DYNC2H1: variants seen among roughly 807,000 people sequenced by gnomAD.
The protein encoded by DYNC2H1 is cytoplasmic dynein 2 heavy chain 1.
Under a neutral mutation model 570.0 loss-of-function variants are expected in DYNC2H1, and 410 were observed. The observed-to-expected ratio is 0.72, with a 90% CI of 0.66 to 0.78. The LOEUF (loss-of-function observed/expected upper bound fraction) is 0.78. Among genes scored for constraint, DYNC2H1 ranks in the 30% least tolerant of loss-of-function variants. DYNC2H1 has a pLI of 0.00. For synonymous variants in DYNC2H1, 1,688 were observed against 1,677.6 expected (o/e 1.01, Z -0.15); for missense variants, 4,865 against 5,046.4 (o/e 0.96, Z 1.09).
At chr11:103,174,240 G>T in intron 36 of DYNC2H1, 70 bp downstream of exon 36, 2 of 1,329,246 alleles carry the variant, frequency 1.5e-6, no homozygotes, top group South Asian at 1.4e-5. Flanking sequence ...AATAGTTTGA[G>T]ATTTACAGAA....
In DYNC2H1 at chr11:103,455,285, GA is replaced by G. The variant is rs755617845; in HGVS notation, c.12559del (p.Thr4187LeufsTer15). 6.2e-7 allele frequency: 1 copy of G among 1,612,902 alleles called. No homozygotes were observed. The highest frequency in any genetic ancestry group is 1.1e-5 in the South Asian group (1 of 91,036). On this transcript the variant is annotated frameshift_variant, in exon 86 of 89. Transcript: ENST00000375735. LOFTEE classifies it high-confidence loss of function. ...CACATTTCTTAATGCTCTTCGCCAG[GA>G]AACTGCAAGGTAATTAAAATGAAAT... ...PDTFLNALRQETARAVGRSVD... is the reference protein window; with the variant it reads ...PDTFLNALRQXTARAVGRSVD...
At position 103,465,460 on chromosome 11, in the gene DYNC2H1, T is replaced by C. The variant is rs1300894938; in HGVS notation, c.12649-3129T>C. On this transcript the variant is annotated intron_variant, in intron 87 of 88. Coordinates refer to ENST00000375735, the MANE Select transcript of DYNC2H1 (RefSeq NM_001377.3). This position sits in a 1 kb window ranked among gnomAD's most constrained non-coding sequence, Gnocchi z 4.9. Reference sequence around the variant, plus strand: ...CAGTATCCCAAAGTGTGTTTTGTTTTTTTTTTTAATCTGTGGCACATGAGT... The same window carrying C: ...CAGTATCCCAAAGTGTGTTTTGTTTCTTTTTTTAATCTGTGGCACATGAGT... Among the ~76,000 whole-genome samples the C allele has an allele frequency of 6.6e-6, 1 of 152,076 alleles. No homozygotes were observed. The highest frequency in any genetic ancestry group is 1.5e-5 in the Non-Finnish European group (1 of 67,986).
Position 103,264,644 on chromosome 11 carries a change from C to A in DYNC2H1, c.10695+4667C>A, listed in dbSNP as rs1591493955. 6.6e-6 allele frequency among the ~76,000 whole-genome samples: 1 copy of A among 152,314 alleles called. No homozygotes were observed. Among genetic ancestry groups the A allele is most frequent in the African/African-American group, 2.4e-5 (1 of 41,576 alleles). ...AAGGCCTCCAATAAAATTCAACACA[C>A]CTTCATGCTGAAAACTTCATAAACT... On this transcript the variant is annotated intron_variant, in intron 70 of 88. Transcript: ENST00000375735. The surrounding 1 kb of genome is among the most constrained non-coding windows in gnomAD (Gnocchi z 4.8).
rs781077729 is a variant in DYNC2H1 at position 103,125,211 on chromosome 11, A to G, written c.1773A>G (p.Ala591=). ...ILLREVRQLS[A]LGFVIPAKIQ... is the part of the protein sequence containing the mutation. ...TGAGAGAAGTTCGTCAGCTCTCTGC[A>G]CTTGGCTTTGTTATTCCTGCCAAAA... The change falls in exon 12 of 89, where the codon GCA becomes GCG. Residue 591 remains alanine, a synonymous_variant. Transcript: ENST00000375735. 7.4e-6 allele frequency: 12 copies of G among 1,613,582 alleles called. No individual in the cohort carries two copies. The East Asian group carries it at 1.6e-4, about 21-fold the overall frequency.
intron 75 of DYNC2H1, among the ~76,000 whole-genome samples, chr11:103,301,295 A>G (rs1038910727): frequency 6.6e-6 from 1 of 151,944 alleles, no homozygotes; most frequent in Non-Finnish European, 1.5e-5. Context: ...GCCCTTGTAC[A>G]TGCTTCTGCG....
chr11:103,249,260 T>C lies in DYNC2H1; in HGVS notation c.10042+3886T>C, dbSNP rs1458815077. Among the ~76,000 whole-genome samples, 1 of 152,058 alleles carries C rather than the reference T, an allele frequency of 6.6e-6. No homozygotes were observed. Among genetic ancestry groups the C allele is most frequent in the Non-Finnish European group, 1.5e-5 (1 of 67,942 alleles). The stretch of plus-strand genomic sequence containing the variant: ...ATGTTTTATCAAAGTAGTACATGCA[T>C]GGGTTGTAAAGTCAAATGATACAGA... On this transcript the variant is annotated intron_variant, in intron 65 of 88. Transcript: ENST00000375735. The surrounding 1 kb of genome is among the most constrained non-coding windows in gnomAD (Gnocchi z 4.6).
At chr11:103,362,972 A>C (rs1283361857) in intron 83 of DYNC2H1, among the ~76,000 whole-genome samples, 1 of 152,166 alleles carries the variant, frequency 6.6e-6, no homozygotes, top group Non-Finnish European at 1.5e-5. Flanking sequence ...CAGAGGTTGC[A>C]GTGAGCCAAG....
rs1342711489 is a variant in DYNC2H1 at position 103,129,266 on chromosome 11, A to G, written c.1953+261A>G. On this transcript the variant is annotated intron_variant, in intron 13 of 88. Coordinates refer to ENST00000375735, the MANE Select transcript of DYNC2H1 (RefSeq NM_001377.3). This position sits in a 1 kb window ranked among gnomAD's most constrained non-coding sequence, Gnocchi z 4.1. ...AAATGATTTGTATGATGTTATGTTC[A>G]TTTATCCTCTGAAGTTTGAGGTCCT... is the stretch of plus-strand genomic sequence containing the variant. Among the ~76,000 whole-genome samples, 1 of 152,192 alleles carries G rather than the reference A, an allele frequency of 6.6e-6. No homozygotes were observed. Among genetic ancestry groups the G allele is most frequent in the East Asian group, 1.9e-4 (1 of 5,202 alleles).
chr11:103,186,286 T>C lies in DYNC2H1; in HGVS notation c.6678T>C (p.Pro2226=), dbSNP rs1481342640. 3 of 1,612,172 alleles carry C rather than the reference T, an allele frequency of 1.9e-6. No individual in the cohort carries two copies. Among genetic ancestry groups the C allele is most frequent in the Non-Finnish European group, 2.5e-6 (3 of 1,178,970 alleles). ...ARESPPDFHK[P]MDTYYDSTRG... ...AATCTCCTCCAGACTTTCACAAACC[T>C]ATGGATACCTACTATGACTCTACTA... Residue 2226 remains proline, a synonymous_variant, in exon 42 of 89, where the codon CCT becomes CCC. Transcript: ENST00000375735. This position sits in a 1 kb window ranked among gnomAD's most constrained non-coding sequence, Gnocchi z 4.5.
intron 40 of DYNC2H1, 65 bp from the exon 41 acceptor site, chr11:103,184,831 T>A (rs999455234): frequency 4.7e-5 from 74 of 1,560,694 alleles, no homozygotes; most frequent in Non-Finnish European, 6.4e-5. Context: ...TCAGTCTGTA[T>A]GGTTCTATGT....
chr11:103,300,627 C>T (rs538018696), intron 75 of DYNC2H1, among the ~76,000 whole-genome samples: 2 of 151,750 alleles, frequency 1.3e-5, no homozygotes, highest in Non-Finnish European at 2.9e-5. Flanking sequence ...TTTTTTTCTC[C>T]AACTCAAAAT....
At position 103,319,775 on chromosome 11, in the gene DYNC2H1, C is replaced by G. The variant is rs1438094214; in HGVS notation, c.11726-1254C>G. Among the ~76,000 whole-genome samples the G allele has an allele frequency of 6.6e-6, 1 of 152,120 alleles. No individual in the cohort carries two copies. The highest frequency in any genetic ancestry group is 1.9e-4 in the East Asian group (1 of 5,190). ...CTAATATGTCTGTATTCCTTAATGA[C>G]TTATCAATGACTGGCTAACTTATCA... is the stretch of plus-strand genomic sequence containing the variant. On this transcript the variant is annotated intron_variant, in intron 80 of 88. Coordinates refer to ENST00000375735, the MANE Select transcript of DYNC2H1 (RefSeq NM_001377.3). The surrounding 1 kb of genome is among the most constrained non-coding windows in gnomAD (Gnocchi z 4.3).
intron 82 of DYNC2H1, among the ~76,000 whole-genome samples, chr11:103,329,797 A>G (rs755318243): frequency 6.6e-5 from 10 of 152,086 alleles, no homozygotes; most frequent in Non-Finnish European, 1.3e-4. Flanking sequence ...TGTTTTAAAG[A>G]TGTATTTTAC....
At position 103,231,380 on chromosome 11, in the gene DYNC2H1, G is replaced by T. The variant is rs775384635; in HGVS notation, c.9440+34G>T. 4.3e-6 allele frequency: 6 copies of T among 1,380,788 alleles called. No individual in the cohort carries two copies. The Admixed American group carries it at 6.3e-5, about 14-fold the overall frequency. The allele number at this position is 1,380,788 out of a possible 1,614,324, so 85.5% of individuals were successfully genotyped here. The stretch of plus-strand genomic sequence containing the variant: ...TATTTTGAAGTGTATTTTGGATAAT[G>T]CTGAGAGTGTTTACATTTGACATCT... On this transcript the variant is annotated intron_variant, in intron 60 of 88. Coordinates refer to ENST00000375735, the MANE Select transcript of DYNC2H1 (RefSeq NM_001377.3).
intron 83 of DYNC2H1, among the ~76,000 whole-genome samples, chr11:103,367,361 A>T (rs1396598213): frequency 6.6e-6 from 1 of 152,110 alleles, no homozygotes. Flanking sequence ...TTTTAAAATC[A>T]TCTAGGACAC....
chr11:103,233,780 A>G (rs1391052085), intron 60 of DYNC2H1, among the ~76,000 whole-genome samples: 5 of 151,768 alleles, frequency 3.3e-5, no homozygotes, highest in East Asian at 3.9e-4. Flanking sequence ...ATAATGCAGT[A>G]CAGCACGGAG....
intron 1 of DYNC2H1, among the ~76,000 whole-genome samples, chr11:103,110,860 G>A (rs1040506680): frequency 2.0e-5 from 3 of 148,770 alleles, no homozygotes; most frequent in Admixed American, 6.8e-5. Context: ...AGTTTCGCTC[G>A]TATTACCCAG....
At chr11:103,361,456 GTGTTT>G (rs1940635430) in intron 83 of DYNC2H1, among the ~76,000 whole-genome samples, 1 of 151,356 alleles carries the variant, frequency 6.6e-6, no homozygotes, top group Admixed American at 6.6e-5. Context: ...CTAGTTTATG[GTGTTT>G]TGTTATAGCA....
rs1218956207 is a variant in DYNC2H1 at position 103,245,767 on chromosome 11, T to A, written c.10042+393T>A. Among the ~76,000 whole-genome samples the A allele has an allele frequency of 6.6e-6, 1 of 152,148 alleles. No homozygotes were observed. The highest frequency in any genetic ancestry group is 1.5e-5 in the Non-Finnish European group (1 of 68,006). Reference sequence around the variant, plus strand: ...AAGCTAAGTTCCCAGGTGCTGGTTATGGGCCAACTTTACAAGTAGCCCTTT... The same window carrying A: ...AAGCTAAGTTCCCAGGTGCTGGTTAAGGGCCAACTTTACAAGTAGCCCTTT... On this transcript the variant is annotated intron_variant, in intron 65 of 88. Coordinates refer to ENST00000375735, the MANE Select transcript of DYNC2H1 (RefSeq NM_001377.3). This position sits in a 1 kb window ranked among gnomAD's most constrained non-coding sequence, Gnocchi z 4.5.
Sources: allele counts gnomAD v4.1 joint callset (sites outside exome capture counted in the v4.1 genomes callset), GRCh38; gene constraint gnomAD v4.1.1; non-coding constraint Gnocchi (gnomAD v3.1); transcripts MANE v1.5; gene names NCBI Gene and HGNC (gene_info 2026-07-23, HGNC 2026-07-21).